The following SLIT1 variants were observed in gnomAD, a reference collection of about 807,000 sequenced individuals.
SLIT1 encodes slit guidance ligand 1.
In SLIT1, 66 loss-of-function variants were observed where a neutral mutation model predicts 186.1. That is an observed-to-expected ratio of 0.35 (90% CI 0.29 to 0.44). The LOEUF is 0.44. SLIT1 is among the 20% of genes least tolerant of loss of function. The pLI is 1.00. For missense variants in SLIT1, 1,638 were observed against 2,037.4 expected, an observed-to-expected ratio of 0.80 and a Z score of 3.77; for synonymous variants, 761 against 833.8, an observed-to-expected ratio of 0.91 and a Z score of 1.50.
chr10:97,184,675 G>A lies in SLIT1; in HGVS notation c.197+803C>T, dbSNP rs760593623. 1.3e-5 allele frequency among the ~76,000 whole-genome samples: 2 copies of A among 152,140 alleles called. No individual in the cohort carries two copies. The highest frequency in any genetic ancestry group is 6.5e-5 in the Admixed American group (1 of 15,272). ...AGAATTCACAAGTGAGACAGAACAGGGGAAGAGAAATGCTATTTTTTTATT... is the reference window on the plus strand; with the variant it reads ...AGAATTCACAAGTGAGACAGAACAGAGGAAGAGAAATGCTATTTTTTTATT... On this transcript the variant is annotated intron_variant, in intron 1 of 36. Transcript: ENST00000266058. This position sits in a 1 kb window ranked among gnomAD's most constrained non-coding sequence, Gnocchi z 4.4.
intron 4 of SLIT1, among the ~76,000 whole-genome samples, chr10:97,100,681 T>G (rs978125325): frequency 1.2e-4 from 19 of 152,050 alleles, no homozygotes; most frequent in Non-Finnish European, 4.4e-5. Flanking sequence ...ATTAAAATAA[T>G]GACCATAACA....
chr10:97,004,950 C>G lies in SLIT1; in HGVS notation c.3580-127G>C, dbSNP rs1848347496. The G allele has an allele frequency of 2.7e-6, 3 of 1,125,296 alleles. No homozygotes were observed. In the East Asian group the frequency reaches 7.5e-5, roughly 28 times the overall value. The allele number at this position is 1,125,296 out of a possible 1,614,324, so 69.7% of individuals were successfully genotyped here. On this transcript the variant is annotated intron_variant, in intron 32 of 36. Coordinates refer to ENST00000266058, the MANE Select transcript of SLIT1 (RefSeq NM_003061.3). This position sits in a 1 kb window ranked among gnomAD's most constrained non-coding sequence, Gnocchi z 5.1. The stretch of plus-strand genomic sequence containing the variant: ...TCTGTGCAGAGCGCTCTTCCCCCAC[C>G]TGGCCAGCCTCCCCAAGGCCATTCC...
Position 97,002,280 on chromosome 10 carries a change from G to C in SLIT1, c.4244C>G (p.Ala1415Gly). 1 of 1,609,712 alleles carries C rather than the reference G, an allele frequency of 6.2e-7. No homozygotes were observed. The highest frequency in any genetic ancestry group is 1.1e-5 in the South Asian group (1 of 90,356). ...DGYSGALCNQ[A>G]GALAEPCRGL... ...TCTGCAGGGCTCTGCCAGGGCCCCGGCCTGGTTGCACAGTGCCCCCGAGTA... is the reference window on the plus strand; with the variant it reads ...TCTGCAGGGCTCTGCCAGGGCCCCGCCCTGGTTGCACAGTGCCCCCGAGTA... Residue 1415 changes from alanine (A) to glycine (G), a missense_variant, in exon 36 of 37, where the codon GCC (alanine) becomes GGC (glycine). By Grantham distance (60) the Ala-to-Gly change is moderately conservative. Coordinates refer to ENST00000266058, the MANE Select transcript of SLIT1 (RefSeq NM_003061.3).
At chr10:97,155,843 G>T (rs966377939) in intron 4 of SLIT1, among the ~76,000 whole-genome samples, 5 of 152,246 alleles carry the variant, frequency 3.3e-5, no homozygotes, top group African/African-American at 1.2e-4. Context: ...GAAAGGCAGA[G>T]CTGTGATAAC....
intron 4 of SLIT1, among the ~76,000 whole-genome samples, chr10:97,135,205 G>A (rs560824114): frequency 2.5e-4 from 38 of 152,316 alleles, no homozygotes; most frequent in South Asian, 1.0e-3. Context: ...AGCAGGCTGG[G>A]GAGCCAGTGG....
chr10:97,063,614 G>T lies in SLIT1; in HGVS notation c.634C>A (p.Leu212Met). 1 of 1,603,102 alleles carries T rather than the reference G, an allele frequency of 6.2e-7. No homozygotes were observed. The highest frequency in any genetic ancestry group is 8.5e-7 in the Non-Finnish European group (1 of 1,174,568). ...NHMPKLRTFR[L>M]HSNHLFCDCH... ...TCGCAAAACAGGTGGTTGGAGTGCA[G>T]GCGGCTGCAAGAGGACAGGATGGCT... is the stretch of plus-strand genomic sequence containing the variant. Residue 212 changes from leucine to methionine, a missense_variant, in exon 8 of 37, where the codon CTG (leucine) becomes ATG (methionine). Leu to Met is a conservative substitution (Grantham distance 15, BLOSUM62 2). Transcript: ENST00000266058.
At chr10:97,087,938 C>A (rs1849184044) in intron 4 of SLIT1, among the ~76,000 whole-genome samples, 1 of 152,152 alleles carries the variant, frequency 6.6e-6, no homozygotes, top group African/African-American at 2.4e-5. Context: ...CCAGCAGTGA[C>A]AGAAATGCAG....
intron 35 of SLIT1, 31 bp downstream of exon 35, chr10:97,002,673 G>A: frequency 6.5e-7 from 1 of 1,529,046 alleles, no homozygotes; most frequent in Middle Eastern, 2.2e-4. Context: ...GGTAGGCAGG[G>A]GCAAGGGCTC....
intron 4 of SLIT1, among the ~76,000 whole-genome samples, chr10:97,121,601 C>T (rs1268478357): frequency 6.6e-6 from 1 of 152,192 alleles, no homozygotes; most frequent in East Asian, 1.9e-4. Flanking sequence ...AGTAGCGGAG[C>T]CAAGATCCGA....
At chr10:97,124,844 C>T (rs1436055558) in intron 4 of SLIT1, among the ~76,000 whole-genome samples, 5 of 152,198 alleles carry the variant, frequency 3.3e-5, no homozygotes, top group Admixed American at 3.3e-4. Context: ...TGCGACCCAA[C>T]GTACGTTGCT....
chr10:97,048,318 G>A (rs759837751), intron 14 of SLIT1, among the ~76,000 whole-genome samples: 20 of 152,178 alleles, frequency 1.3e-4, no homozygotes, highest in Non-Finnish European at 4.4e-5. Context: ...CCTTGACCAG[G>A]ATGTAGGCTC....
chr10:97,125,726 C>A (rs1849598251), intron 4 of SLIT1, among the ~76,000 whole-genome samples: 2 of 151,880 alleles, frequency 1.3e-5, no homozygotes, highest in Admixed American at 1.3e-4. Flanking sequence ...GTAATCCCAG[C>A]TACTCGGGAG....
intron 4 of SLIT1, among the ~76,000 whole-genome samples, chr10:97,079,415 C>T (rs889132852): frequency 6.6e-6 from 1 of 152,158 alleles, no homozygotes; most frequent in African/African-American, 2.4e-5. Flanking sequence ...GCACACTTTT[C>T]AGAATATATG....
Position 97,034,552 on chromosome 10 carries a change from G to T in SLIT1, c.2367-10C>A, listed in dbSNP as rs760413076. On this transcript the variant is annotated splice_polypyrimidine_tract_variant and intron_variant, in intron 22 of 36. Coordinates refer to ENST00000266058, the MANE Select transcript of SLIT1 (RefSeq NM_003061.3). ...GTTGTTGCTCAGGTCCCTGGAAAAG[G>T]CAAAGGCATCATGATTTAGAAAGAA... 7 of 1,611,396 alleles carry T rather than the reference G, an allele frequency of 4.3e-6. No homozygotes were observed. The South Asian group carries it at 7.7e-5, about 18-fold the overall frequency.
intron 13 of SLIT1, among the ~76,000 whole-genome samples, chr10:97,051,613 C>T (rs987942717): frequency 1.3e-5 from 2 of 152,100 alleles, no homozygotes; most frequent in African/African-American, 4.8e-5. Flanking sequence ...AGTTCAAGAT[C>T]AGCCTGATCA....
intron 32 of SLIT1, among the ~76,000 whole-genome samples, chr10:97,005,650 G>A (rs1233282174): frequency 2.6e-5 from 4 of 152,244 alleles, no homozygotes; most frequent in Non-Finnish European, 4.4e-5. Context: ...ATGTGCCCGA[G>A]GCAATGGCTG....
In SLIT1 at chr10:97,016,672, A is replaced by C. The variant is rs145341365; in HGVS notation, c.2969+1914T>G. On this transcript the variant is annotated intron_variant, in intron 28 of 36. Transcript: ENST00000266058. ...CCTTCCACCTTAGCCTCCCAAATAA[A>C]GTGATAGTTTTATTCTTAAATGTTA... Among the ~76,000 whole-genome samples, 30 of 152,360 alleles carry C rather than the reference A, an allele frequency of 2.0e-4. 1 individual carries two copies. Among genetic ancestry groups the C allele is most frequent in the African/African-American group, 6.5e-4 (27 of 41,582 alleles).
At chr10:97,080,574 T>C (rs532293613) in intron 4 of SLIT1, among the ~76,000 whole-genome samples, 3 of 152,344 alleles carry the variant, frequency 2.0e-5, no homozygotes, top group East Asian at 1.9e-4. Context: ...CCCAGCCACT[T>C]CCTGTAGGAA....
At chr10:97,058,053 A>C in intron 11 of SLIT1, 1 of 717,494 alleles carries the variant, frequency 1.4e-6, no homozygotes. Flanking sequence ...AAGGCCCTGC[A>C]GTGGGAGCTG....
Sources: gnomAD v4.1 joint callset for allele counts (sites outside exome capture counted in the v4.1 genomes callset) on GRCh38, gnomAD v4.1.1 for gene constraint, Gnocchi (gnomAD v3.1) non-coding constraint, MANE v1.5 for transcripts, NCBI Gene and HGNC (gene_info 2026-07-23, HGNC 2026-07-21) for gene names.